Variants in DPF3 observed in about 807,000 individuals in gnomAD.
DPF3 encodes the protein double PHD fingers 3.
Under a neutral mutation model 56.8 loss-of-function variants are expected in DPF3, and 18 were observed. The observed-to-expected ratio is 0.32, with a 90% CI of 0.22 to 0.47. DPF3 has a LOEUF of 0.47. Among genes scored for constraint, DPF3 ranks in the 20% least tolerant of loss-of-function variants. DPF3 has a pLI of 1.00. For synonymous variants in DPF3, 188 were observed against 180.2 expected (o/e 1.04, Z -0.35); for missense variants, 403 against 488.8 (o/e 0.82, Z 1.65).
chr14:72,773,789 T>G, intron 1 of DPF3: 1 of 454,388 alleles, frequency 2.2e-6, no homozygotes, highest in Non-Finnish European at 4.4e-6. Flanking sequence ...TTATAGCATA[T>G]GTCAGAATTT....
intron 4 of DPF3, among the ~76,000 whole-genome samples, chr14:72,727,462 G>C (rs891450263): frequency 6.6e-6 from 1 of 152,002 alleles, no homozygotes; most frequent in Non-Finnish European, 1.5e-5. Flanking sequence ...TGTAATCCCA[G>C]CTACTCAGAA....
At chr14:72,698,042 T>C (rs1408652909) in intron 6 of DPF3, among the ~76,000 whole-genome samples, 1 of 152,206 alleles carries the variant, frequency 6.6e-6, no homozygotes, top group Non-Finnish European at 1.5e-5. Flanking sequence ...ATCCCCAATT[T>C]GCCTGATTAA....
intron 8 of DPF3, among the ~76,000 whole-genome samples, chr14:72,651,456 G>A (rs1309029492): frequency 2.0e-5 from 3 of 152,228 alleles, no homozygotes; most frequent in African/African-American, 7.2e-5. Flanking sequence ...CAGCTCCAAA[G>A]GCTTTCACAG....
intron 6 of DPF3, among the ~76,000 whole-genome samples, chr14:72,701,734 C>T (rs186937721): frequency 1.6e-4 from 25 of 152,300 alleles, no homozygotes; most frequent in Admixed American, 3.3e-4. Flanking sequence ...CAGTGGTTTC[C>T]GAGAGACTGA....
rs1268473294 is a variant in DPF3, at chr14:72,772,008, T to A, written c.33-115A>T. 5.8e-6 allele frequency: 7 copies of A among 1,197,982 alleles called. No homozygotes were observed. The East Asian group carries it at 2.2e-4, about 37-fold the overall frequency. 74.2% of individuals were successfully genotyped at this position (1,197,982 alleles called of 1,614,324 possible). ...GGAAAGACTGAAGACCTCCCAGTTA[T>A]GAAGACCAAGGCAATGAGCACCAAG... is the stretch of plus-strand genomic sequence containing the variant. On this transcript the variant is annotated intron_variant, in intron 1 of 10. Transcript: ENST00000556509.
intron 6 of DPF3, 128 bp downstream of exon 6, chr14:72,714,295 G>C (rs1308092173): frequency 1.7e-6 from 2 of 1,174,986 alleles, no homozygotes; most frequent in Non-Finnish European, 2.4e-6. Context: ...AGTAAGCTGG[G>C]GTGCAGACAG....
intron 3 of DPF3, among the ~76,000 whole-genome samples, chr14:72,751,599 G>C (rs1255720292): frequency 6.6e-6 from 1 of 152,282 alleles, no homozygotes; most frequent in East Asian, 1.9e-4. Context: ...AATGTGGCTA[G>C]TCCAAAAAGA....
intron 1 of DPF3, chr14:72,835,936 C>T (rs1168535202): frequency 1.5e-6 from 1 of 662,866 alleles, no homozygotes; most frequent in Non-Finnish European, 1.9e-6. Flanking sequence ...CCTTATTTGA[C>T]TCTTCGACAC....
intron 3 of DPF3, among the ~76,000 whole-genome samples, chr14:72,744,531 G>A (rs1004719696): frequency 2.6e-5 from 4 of 152,228 alleles, no homozygotes; most frequent in African/African-American, 4.8e-5. Context: ...CATCCCACAT[G>A]AGCAAAGTGC....
rs373523359 is a variant in DPF3, at chr14:72,641,225, G to A, written c.872-11489C>T. ...CCAAATCACTGATGGCTTCAGCAGC[G>A]CAGAGAGAAGAACTCATACACAGAT... On this transcript the variant is annotated intron_variant, in intron 8 of 10. Transcript: ENST00000556509. 1.9e-4 allele frequency among the ~76,000 whole-genome samples: 29 copies of A among 152,292 alleles called. No homozygotes were observed. The South Asian group carries it at 5.0e-3, about 26-fold the overall frequency.
chr14:72,697,918 C>A (rs1029471895), intron 6 of DPF3, among the ~76,000 whole-genome samples: 1 of 152,182 alleles, frequency 6.6e-6, no homozygotes, highest in Non-Finnish European at 1.5e-5. Context: ...TCTTCTGACA[C>A]CACGTTCTGC....
chr14:72,680,717 G>C (rs1887128596), intron 7 of DPF3, among the ~76,000 whole-genome samples: 3 of 152,260 alleles, frequency 2.0e-5, no homozygotes, highest in Admixed American at 6.5e-5. Context: ...TGGAATGGCA[G>C]CACATGCCAC....
intron 2 of DPF3, among the ~76,000 whole-genome samples, chr14:72,766,386 T>C (rs1349498502): frequency 1.3e-5 from 2 of 152,072 alleles, no homozygotes; most frequent in East Asian, 1.9e-4. Flanking sequence ...AACAACAGGG[T>C]GGGTGGTGAG....
chr14:72,883,581 T>C (rs1241285803), intron 1 of DPF3, among the ~76,000 whole-genome samples: 1 of 152,166 alleles, frequency 6.6e-6, no homozygotes, highest in Non-Finnish European at 1.5e-5. Flanking sequence ...AACCAAGACA[T>C]GCATGTAACT....
chr14:72,764,843 C>T (rs1891210781), intron 2 of DPF3, among the ~76,000 whole-genome samples: 1 of 152,208 alleles, frequency 6.6e-6, no homozygotes. Flanking sequence ...TCATGGAAAC[C>T]TCCATTTATA....
intron 1 of DPF3, among the ~76,000 whole-genome samples, chr14:72,849,982 G>T (rs1286071210): frequency 2.6e-5 from 4 of 152,056 alleles, no homozygotes; most frequent in Non-Finnish European, 5.9e-5. Context: ...AGCCAGGCAT[G>T]GTGTCATATG....
chr14:72,652,850 G>A (rs186829907), intron 8 of DPF3, among the ~76,000 whole-genome samples: 1 of 152,212 alleles, frequency 6.6e-6, no homozygotes, highest in Non-Finnish European at 1.5e-5. Flanking sequence ...CAAGGGTTGG[G>A]TGAGACCACG....
At chr14:72,825,372 C>CAA (rs1883749560) in intron 1 of DPF3, among the ~76,000 whole-genome samples, 1 of 152,228 alleles carries the variant, frequency 6.6e-6, no homozygotes, top group South Asian at 2.1e-4. Flanking sequence ...TACTGGCGGA[C>CAA]ATTTTTGATT....
At chr14:72,731,564 C>T in intron 4 of DPF3, 1 of 502,664 alleles carries the variant, frequency 2.0e-6, no homozygotes, top group Non-Finnish European at 3.6e-6. Context: ...TCAACAAATT[C>T]ACTTTGCATA....
Sources: gnomAD v4.1 joint callset for allele counts (sites outside exome capture counted in the v4.1 genomes callset) on GRCh38, gnomAD v4.1.1 for gene constraint, MANE v1.5 for transcripts, NCBI Gene and HGNC (gene_info 2026-07-23, HGNC 2026-07-21) for gene names.